PHF8: variants seen among roughly 807,000 people sequenced by gnomAD.
PHF8 encodes the protein histone lysine demethylase PHF8.
In PHF8, 9 loss-of-function variants were observed where a neutral mutation model predicts 74.4. That is an observed-to-expected ratio of 0.12 (90% CI 0.07 to 0.21). The LOEUF (loss-of-function observed/expected upper bound fraction) is 0.21, where lower values mean the gene tolerates loss of function less well. PHF8 is among the 10% of genes least tolerant of loss of function. PHF8 has a pLI of 1.00. For missense variants in PHF8, 478 were observed against 816.6 expected (o/e 0.59, Z 5.05); for synonymous variants, 311 against 316.6 (o/e 0.98, Z 0.19).
chrX:53,966,656 C>T (rs2065193186), intron 18 of PHF8, among the ~76,000 whole-genome samples: 2 of 111,912 alleles, frequency 1.8e-5, no homozygotes, highest in African/African-American at 3.2e-5. Flanking sequence ...GCCGCCACTC[C>T]GTCTAGGAAG....
At position 53,964,462 on chromosome X, in the gene PHF8, T is replaced by C. The variant is rs144646987; in HGVS notation, c.2444-1523A>G. 5.9e-3 allele frequency among the ~76,000 whole-genome samples: 653 copies of C among 111,471 alleles called. 2 individuals are homozygous for C. Among genetic ancestry groups the C allele is most frequent in the African/African-American group, 0.02 (618 of 30,681 alleles). On this transcript the variant is annotated intron_variant, in intron 18 of 21. Coordinates refer to ENST00000338154, the MANE Select transcript of PHF8 (RefSeq NM_015107.3). Reference sequence around the variant, plus strand: ...CCTTAAAAAAAGGAAAGCTATCACATACTACAACATGGATGAACATGGAAG... The same window carrying C: ...CCTTAAAAAAAGGAAAGCTATCACACACTACAACATGGATGAACATGGAAG...
chrX:54,043,880 C>T lies in PHF8; in HGVS notation c.-211G>A. 1 of 753,788 alleles carries T rather than the reference C, an allele frequency of 1.3e-6. No individual in the cohort carries two copies. The highest frequency in any genetic ancestry group is 1.6e-6 in the Non-Finnish European group (1 of 638,328). The allele number at this position is 753,788 out of a possible 1,213,427, so 62.1% of individuals were successfully genotyped here. ...CATGCTTTGGGCTGCAAGGACTCCA[C>T]GCCCGCGGAGCTCAGCCCCAGCGAC... is the stretch of plus-strand genomic sequence containing the variant. On this transcript the variant is annotated 5_prime_UTR_variant, in exon 1 of 22. In the 5' UTR this introduces an upstream ATG that the reference lacks. Coordinates refer to ENST00000338154, the MANE Select transcript of PHF8 (RefSeq NM_015107.3).
Position 54,042,695 on chromosome X carries a change from G to A in PHF8, c.34C>T (p.Leu12=). The A allele has an allele frequency of 8.3e-7, 1 of 1,211,159 alleles. No individual in the cohort carries two copies. The highest frequency in any genetic ancestry group is 3.0e-5 in the East Asian group (1 of 33,817). The change falls in exon 2 of 22, where the codon CTG becomes TTG. Residue 12 remains leucine, a synonymous_variant. Coordinates refer to ENST00000338154, the MANE Select transcript of PHF8 (RefSeq NM_015107.3). ...ATGAAGCGGGTCACATCGTAAGGCA[G>A]CCGGCAGAGGCAATACACCGGCACC... ...ASVPVYCLCR[L]PYDVTRFMIE...
At chrX:54,046,268 G>A (rs376547394), upstream of PHF8, among the ~76,000 whole-genome samples, 203 of 110,930 alleles carry the variant, frequency 1.8e-3, no homozygotes, top group African/African-American at 6.3e-3. Context: ...ATATGGTTTG[G>A]GGGAGGAAGG....
chrX:53,944,022 C>T, intron 20 of PHF8, 112 bp downstream of exon 20: 1 of 519,029 alleles, frequency 1.9e-6, no homozygotes, highest in Non-Finnish European at 3.4e-6. Context: ...TCAAAGGTTA[C>T]TCAATCCCCA....
intron 4 of PHF8, among the ~76,000 whole-genome samples, chrX:54,019,954 G>A (rs913095686): frequency 3.6e-5 from 4 of 110,751 alleles, no homozygotes; most frequent in African/African-American, 1.3e-4. Context: ...GGAGGCCAAG[G>A]CGGGTGGATC....
intron 8 of PHF8, among the ~76,000 whole-genome samples, chrX:54,007,525 C>T (rs987669038): frequency 9.0e-6 from 1 of 111,574 alleles, no homozygotes; most frequent in South Asian, 3.7e-4. Flanking sequence ...AGTCTAGTAT[C>T]CAAAGTATAT....
intron 6 of PHF8, among the ~76,000 whole-genome samples, chrX:54,015,589 A>T: frequency 9.3e-6 from 1 of 107,561 alleles, no homozygotes; most frequent in African/African-American, 3.4e-5. Context: ...AAAAAAAAAA[A>T]AAAAAAAACA....
At chrX:53,958,373 A>G (rs1425562400) in intron 19 of PHF8, among the ~76,000 whole-genome samples, 3 of 108,840 alleles carry the variant, frequency 2.8e-5, no homozygotes, top group East Asian at 2.9e-4. Flanking sequence ...AGCAAAGCAC[A>G]TAACAGCGTA....
intron 2 of PHF8, 129 bp from the exon 3 acceptor site, chrX:54,022,972 A>C: frequency 2.1e-6 from 1 of 476,005 alleles, no homozygotes; most frequent in South Asian, 3.0e-5. Flanking sequence ...AAAATTAAAT[A>C]AAATTTAAAA....
intron 2 of PHF8, among the ~76,000 whole-genome samples, chrX:54,038,172 G>A (rs2066493702): frequency 8.9e-6 from 1 of 112,212 alleles, no homozygotes; most frequent in East Asian, 2.8e-4. Flanking sequence ...TTAAAATATA[G>A]ACTGCTGAGT....
In PHF8 at chrX:53,959,172, C is replaced by G. The variant is rs1344193631; in HGVS notation, c.2539+3672G>C. The stretch of plus-strand genomic sequence containing the variant: ...GGTTTTCGATATTTACAGTTAATTT[C>G]TAGTCAATGTAGAGTAGTAACAACA... On this transcript the variant is annotated intron_variant, in intron 19 of 21. Coordinates refer to ENST00000338154, the MANE Select transcript of PHF8 (RefSeq NM_015107.3). Among the ~76,000 whole-genome samples the G allele has an allele frequency of 2.7e-5, 3 of 111,556 alleles. No homozygotes were observed. In the Admixed American group the frequency reaches 2.9e-4, roughly 11 times the overall value.
upstream of PHF8, chrX:54,048,827 T>C (rs2066644773): frequency 8.9e-6 from 1 of 112,684 alleles, no homozygotes; most frequent in Non-Finnish European, 1.9e-5. Context: ...CATTGTAATG[T>C]AAATGCATTC....
chrX:53,989,054 C>G (rs1603316175), intron 14 of PHF8, among the ~76,000 whole-genome samples: 1 of 109,279 alleles, frequency 9.2e-6, no homozygotes, highest in Non-Finnish European at 1.9e-5. Flanking sequence ...CTCCCGCCTC[C>G]TAGGTTCAAG....
intron 18 of PHF8, among the ~76,000 whole-genome samples, chrX:53,977,250 A>C (rs1205952557): frequency 1.8e-5 from 2 of 111,919 alleles, no homozygotes; most frequent in Non-Finnish European, 3.8e-5. Flanking sequence ...CATGAGAATC[A>C]CTTGAACCCA....
chrX:53,976,078 G>C (rs1300734334), intron 18 of PHF8, among the ~76,000 whole-genome samples: 1 of 110,764 alleles, frequency 9.0e-6, no homozygotes, highest in Admixed American at 9.7e-5. Context: ...ACTTCGGGAG[G>C]CCAAGGAGGG....
At chrX:54,013,328 G>A (rs1016949486) in intron 7 of PHF8, among the ~76,000 whole-genome samples, 4 of 111,469 alleles carry the variant, frequency 3.6e-5, no homozygotes, top group Non-Finnish European at 7.5e-5. Flanking sequence ...TATCTTGACT[G>A]TGGTGGCAGT....
chrX:54,036,025 C>T (rs1356680793), intron 2 of PHF8, among the ~76,000 whole-genome samples: 7 of 106,259 alleles, frequency 6.6e-5, no homozygotes, highest in African/African-American at 2.1e-4. Context: ...GCAGAAGAAT[C>T]GCTTGAACCT....
intron 20 of PHF8, 151 bp downstream of exon 20, chrX:53,943,983 G>C: frequency 6.2e-6 from 3 of 482,450 alleles, no homozygotes; most frequent in Non-Finnish European, 7.4e-6. Context: ...GGATTTAAGA[G>C]GGGGCTGGGA....
Sources: allele counts gnomAD v4.1 joint callset (sites outside exome capture counted in the v4.1 genomes callset), GRCh38; gene constraint gnomAD v4.1.1; transcripts MANE v1.5; gene names NCBI Gene and HGNC (gene_info 2026-07-23, HGNC 2026-07-21).